The following FNBP1L variants were observed in gnomAD, a reference collection of about 807,000 sequenced individuals.
FNBP1L encodes formin binding protein 1 like.
In FNBP1L, 36 loss-of-function variants were observed where a neutral mutation model predicts 91.2. The ratio of observed to expected loss-of-function variants is 0.39; its 90% CI spans 0.30 to 0.52. The LOEUF (loss-of-function observed/expected upper bound fraction) is 0.52, where lower values mean the gene tolerates loss of function less well. Among genes scored for constraint, FNBP1L ranks in the 20% least tolerant of loss-of-function variants. The pLI is 0.66. For synonymous variants in FNBP1L, 242 were observed against 237.0 expected (o/e 1.02, Z -0.19); for missense variants, 571 against 732.1 (o/e 0.78, Z 2.54).
chr1:93,481,293 A>G (rs1035389355), intron 1 of FNBP1L, among the ~76,000 whole-genome samples: 13 of 152,178 alleles, frequency 8.5e-5, no homozygotes, highest in African/African-American at 2.4e-4. Context: ...GTTGCATACT[A>G]TTCCTTCAAT....
rs150222084 is a variant in FNBP1L at position 93,448,252 on chromosome 1, G to A, written c.-30G>A. 3.9e-6 allele frequency: 6 copies of A among 1,520,530 alleles called. No individual in the cohort carries two copies. Among genetic ancestry groups the A allele is most frequent in the East Asian group, 5.6e-5 (2 of 35,988 alleles). 94.2% of individuals were successfully genotyped at this position (1,520,530 alleles called of 1,614,324 possible). On this transcript the variant is annotated 5_prime_UTR_variant, in exon 1 of 17. Transcript: ENST00000271234. ...TGGAGCCGACAGACTGAAGGACAGC[G>A]GCACCGCCAGACGGCCAGAAAGTTC...
intron 1 of FNBP1L, among the ~76,000 whole-genome samples, chr1:93,461,950 C>T (rs1668882930): frequency 6.6e-6 from 1 of 152,184 alleles, no homozygotes; most frequent in African/African-American, 2.4e-5. Context: ...TGTGTCTTAG[C>T]TGGACTCTAT....
intron 1 of FNBP1L, among the ~76,000 whole-genome samples, chr1:93,479,035 G>GAA (rs1213648025): frequency 1.3e-5 from 2 of 152,140 alleles, no homozygotes; most frequent in African/African-American, 4.8e-5. Flanking sequence ...CTTATTGGGG[G>GAA]AACCCACCCC....
chr1:93,551,094 A>G lies in FNBP1L; in HGVS notation c.1799A>G (p.Lys600Arg). 1 of 1,608,034 alleles carries G rather than the reference A, an allele frequency of 6.2e-7. No individual in the cohort carries two copies. Among genetic ancestry groups the G allele is most frequent in the African/African-American group, 1.3e-5 (1 of 74,804 alleles). Residue 600 changes from lysine (K) to arginine (R), a missense_variant, in exon 16 of 17, where the codon AAA becomes AGA. Physicochemically the swap from Lys to Arg is conservative, Grantham distance 26. Coordinates refer to ENST00000271234, the MANE Select transcript of FNBP1L (RefSeq NM_001164473.3). ...TCATACATAGATGTAACTCTAGAGA[A>G]AAACAGTAAAGGTGCAGTAACTTAT... is the stretch of plus-strand genomic sequence containing the variant. ...PTSYIDVTLEKNSKGS is the reference protein window; with the variant it reads ...PTSYIDVTLERNSKGS
At chr1:93,546,754 C>T (rs1457781728) in intron 12 of FNBP1L, 88 bp from the exon 13 acceptor site, 20 of 1,373,872 alleles carry the variant, frequency 1.5e-5, no homozygotes, top group African/African-American at 1.3e-4. Context: ...GATTAAGCTG[C>T]GTACGAGTCC....
At chr1:93,535,211 A>G (rs1671805382) in intron 9 of FNBP1L, among the ~76,000 whole-genome samples, 1 of 152,122 alleles carries the variant, frequency 6.6e-6, no homozygotes, top group Non-Finnish European at 1.5e-5. Flanking sequence ...AGGAAACATG[A>G]TCTAACTAAA....
chr1:93,544,955 AG>A (rs1287126322), intron 12 of FNBP1L, among the ~76,000 whole-genome samples: 6 of 152,114 alleles, frequency 3.9e-5, no homozygotes, highest in Non-Finnish European at 8.8e-5. Context: ...GCTCTTAGGG[AG>A]ATACAGGGTT....
chr1:93,524,304 GCTGGAA>G lies in FNBP1L; in HGVS notation c.387_392del (p.Cys129_Lys131delinsTer). On this transcript the variant is annotated stop_gained and inframe_deletion, in exon 5 of 17. Transcript: ENST00000271234. LOFTEE classifies it high-confidence loss of function. ...AAAGCTCAACAATATCTTGACATGT[GCTGGAA>G]ACAGATGGATAATGTGAGTTATGAC... 6.6e-7 allele frequency: 1 copy of G among 1,508,638 alleles called. No individual in the cohort carries two copies. Among genetic ancestry groups the G allele is most frequent in the Non-Finnish European group, 8.9e-7 (1 of 1,126,338 alleles). The allele number at this position is 1,508,638 out of a possible 1,614,324, so 93.5% of individuals were successfully genotyped here. A position where few individuals can be genotyped will look rare whatever the true frequency, so the allele number is the denominator to read the frequency against.
chr1:93,468,998 G>A (rs1017814471), intron 1 of FNBP1L, among the ~76,000 whole-genome samples: 1 of 151,914 alleles, frequency 6.6e-6, no homozygotes, highest in Non-Finnish European at 1.5e-5. Context: ...ACATTTACTT[G>A]ATGACAAATA....
intron 1 of FNBP1L, among the ~76,000 whole-genome samples, chr1:93,469,859 C>G (rs974406774): frequency 4.6e-5 from 7 of 152,066 alleles, no homozygotes; most frequent in Admixed American, 2.6e-4. Context: ...ACTTGTCGTT[C>G]CAGCTACTTG....
chr1:93,532,626 A>G (rs1671719202), intron 7 of FNBP1L, among the ~76,000 whole-genome samples: 1 of 151,916 alleles, frequency 6.6e-6, no homozygotes, highest in Admixed American at 6.6e-5. Context: ...TGGGAGTGCT[A>G]TGGGGCAGGG....
In FNBP1L at chr1:93,480,586, A is replaced by AT. The variant is rs775311225; in HGVS notation, c.25-18869dup. On this transcript the variant is annotated intron_variant, in intron 1 of 16. Coordinates refer to ENST00000271234, the MANE Select transcript of FNBP1L (RefSeq NM_001164473.3). ...AAGTTGGGTCTCTTAGAGTCTCTTA[A>AT]TTTTTTTTTTTTTAATTTTTTTTGA... is the stretch of plus-strand genomic sequence containing the variant. Among the ~76,000 whole-genome samples, 1,345 of 145,696 alleles carry AT rather than the reference A, an allele frequency of 9.2e-3. 13 individuals carry two copies. Among genetic ancestry groups the AT allele is most frequent in the South Asian group, 0.02 (92 of 4,616 alleles).
chr1:93,534,936 A>G (rs377145504), intron 9 of FNBP1L, 28 bp downstream of exon 9: 1 of 1,542,810 alleles, frequency 6.5e-7, no homozygotes, highest in African/African-American at 1.4e-5. Flanking sequence ...CCTATATGCT[A>G]ATCAGTTTAA....
intron 1 of FNBP1L, among the ~76,000 whole-genome samples, chr1:93,485,703 G>A (rs566885443): frequency 2.6e-5 from 4 of 152,048 alleles, no homozygotes; most frequent in South Asian, 2.1e-4. Context: ...TTTATATTTC[G>A]TTTCTTTTTT....
chr1:93,532,491 T>C (rs1251399015), intron 7 of FNBP1L, among the ~76,000 whole-genome samples: 1 of 111,888 alleles, frequency 8.9e-6, no homozygotes, highest in African/African-American at 3.0e-5. Flanking sequence ...AAAAAAAAAG[T>C]CTCAGTCTTG....
chr1:93,454,003 AG>A (rs968017678), intron 1 of FNBP1L, among the ~76,000 whole-genome samples: 1 of 152,218 alleles, frequency 6.6e-6, no homozygotes, highest in Non-Finnish European at 1.5e-5. Flanking sequence ...GAAAATCTTT[AG>A]GAAGACTGTC....
chr1:93,499,558 G>A lies in FNBP1L; in HGVS notation c.115G>A (p.Glu39Lys). 6.3e-7 allele frequency: 1 copy of A among 1,597,652 alleles called. No individual in the cohort carries two copies. Among genetic ancestry groups the A allele is most frequent in the Non-Finnish European group, 8.5e-7 (1 of 1,172,258 alleles). ...ATTTGTTAAAGAGAGGATAGAAATT[G>A]AACAGAACTATGCGAAACAATTGAG... Reference protein sequence around the residue: ...AKFVKERIEIEQNYAKQLRNL... With the variant: ...AKFVKERIEIKQNYAKQLRNL... Residue 39 changes from glutamate to lysine, a missense_variant, in exon 2 of 17, where the codon GAA (glutamate) becomes AAA (lysine). Coordinates refer to ENST00000271234, the MANE Select transcript of FNBP1L (RefSeq NM_001164473.3).
rs528282907 is a variant in FNBP1L at position 93,467,748 on chromosome 1, C to T, written c.24+19443C>T. 1.4e-4 allele frequency among the ~76,000 whole-genome samples: 21 copies of T among 152,042 alleles called. No individual in the cohort carries two copies. The East Asian group carries it at 1.7e-3, about 13-fold the overall frequency. On this transcript the variant is annotated intron_variant, in intron 1 of 16. Coordinates refer to ENST00000271234, the MANE Select transcript of FNBP1L (RefSeq NM_001164473.3). ...CATAATTGTGCCTGTTAATAGCCAC[C>T]GTACTTCAGCCTGGGCAACATAACA... is the stretch of plus-strand genomic sequence containing the variant.
chr1:93,451,812 C>A (rs1383326337), intron 1 of FNBP1L, among the ~76,000 whole-genome samples: 2 of 151,974 alleles, frequency 1.3e-5, no homozygotes, highest in African/African-American at 2.4e-5. Context: ...CCACCATGCC[C>A]GACTAATTTT....
Sources: gnomAD v4.1 joint callset for allele counts (sites outside exome capture counted in the v4.1 genomes callset) on GRCh38, gnomAD v4.1.1 for gene constraint, MANE v1.5 for transcripts, NCBI Gene and HGNC (gene_info 2026-07-23, HGNC 2026-07-21) for gene names.